CGGBP1: variants seen among roughly 807,000 people sequenced by gnomAD.
The protein encoded by CGGBP1 is CGG triplet repeat-binding protein 1.
In CGGBP1, 4 loss-of-function variants were observed where a neutral mutation model predicts 11.4. That is an observed-to-expected ratio of 0.35 (90% CI 0.17 to 0.80). The LOEUF (loss-of-function observed/expected upper bound fraction) is 0.80. CGGBP1 is among the 30% of genes least tolerant of loss of function. The pLI is 0.52. For missense variants in CGGBP1, 135 were observed against 202.1 expected, an observed-to-expected ratio of 0.67 and a Z score of 2.01; for synonymous variants, 76 against 74.1, an observed-to-expected ratio of 1.03 and a Z score of -0.13.
chr3:88,107,923 G>A (rs560260412), intron 2 of CGGBP1, among the ~76,000 whole-genome samples: 2 of 151,856 alleles, frequency 1.3e-5, no homozygotes, highest in Admixed American at 6.6e-5. Flanking sequence ...TGTGACTAAC[G>A]TTCTTTTGGC....
chr3:88,140,499 G>C (rs773897741), intron 2 of CGGBP1: 1 of 1,613,676 alleles, frequency 6.2e-7, no homozygotes, highest in Non-Finnish European at 8.5e-7. Flanking sequence ...GAATGGAAAC[G>C]AACGTTCTGA....
At chr3:88,134,657 A>C (rs1706664456) in intron 2 of CGGBP1, among the ~76,000 whole-genome samples, 1 of 152,140 alleles carries the variant, frequency 6.6e-6, no homozygotes, top group Non-Finnish European at 1.5e-5. Context: ...TTGAAAATGA[A>C]AAATATGAAC....
At chr3:88,102,946 G>T (rs960200518) in intron 2 of CGGBP1, among the ~76,000 whole-genome samples, 2 of 150,668 alleles carry the variant, frequency 1.3e-5, no homozygotes, top group Non-Finnish European at 2.9e-5. Context: ...CAGGTGGTAA[G>T]CATACTAACC....
chr3:88,114,287 TAAAG>T (rs977742014), intron 2 of CGGBP1, among the ~76,000 whole-genome samples: 69 of 152,102 alleles, frequency 4.5e-4, no homozygotes, highest in African/African-American at 1.7e-3. Context: ...AATGGGGAGG[TAAAG>T]AAATACCTCA....
chr3:88,091,187 T>C (rs4858996), intron 2 of CGGBP1, among the ~76,000 whole-genome samples: 143,098 of 152,142 alleles, frequency 0.94, 67,822 homozygotes, highest in Non-Finnish European at 1. Flanking sequence ...AACATATCCC[T>C]GTCGTTAAGC....
At position 88,106,703 on chromosome 3, in the gene CGGBP1, C is replaced by A. The variant is rs1704405152; in HGVS notation, c.-229+34267G>T. Among the ~76,000 whole-genome samples the A allele has an allele frequency of 3.3e-5, 5 of 152,036 alleles. No individual in the cohort carries two copies. The South Asian group carries it at 1.0e-3, about 32-fold the overall frequency. Reference sequence around the variant, plus strand: ...TTAATTTGTTTAATGCTTTTTTAAGCTGTGTAGATTTTTAAAATGTAATTA... The same window carrying A: ...TTAATTTGTTTAATGCTTTTTTAAGATGTGTAGATTTTTAAAATGTAATTA... On this transcript the variant is annotated intron_variant, in intron 2 of 3. Transcript: ENST00000462901.
At chr3:88,135,731 G>A (rs1012062343) in intron 2 of CGGBP1, among the ~76,000 whole-genome samples, 7 of 152,044 alleles carry the variant, frequency 4.6e-5, no homozygotes. Flanking sequence ...CCACTTGCAA[G>A]TGAGTACAAT....
At position 88,055,470 on chromosome 3, in the gene CGGBP1, T is replaced by C; in HGVS notation, c.*3A>G. On this transcript the variant is annotated 3_prime_UTR_variant, in exon 4 of 4. Coordinates refer to ENST00000482016, the MANE Select transcript of CGGBP1 (RefSeq NM_001008390.2). This position sits in a 1 kb window ranked among gnomAD's most constrained non-coding sequence, Gnocchi z 4.2. The stretch of plus-strand genomic sequence containing the variant: ...CTTGATCACAATGGTGGTAACCTCC[T>C]AGTCAACAATCTTGTGAGTTGAGGA... 1.3e-6 allele frequency: 2 copies of C among 1,514,702 alleles called. No individual in the cohort carries two copies. The highest frequency in any genetic ancestry group is 2.3e-5 in the East Asian group (1 of 43,874). The allele number at this position is 1,514,702 out of a possible 1,614,324, so 93.8% of individuals were successfully genotyped here.
intron 2 of CGGBP1, among the ~76,000 whole-genome samples, chr3:88,072,532 G>T (rs1401074696): frequency 6.6e-6 from 1 of 151,936 alleles, no homozygotes; most frequent in African/African-American, 2.4e-5. Flanking sequence ...CTTTTGTTTT[G>T]TCTGCCAGAA....
chr3:88,082,791 T>C (rs1708148106), intron 2 of CGGBP1, among the ~76,000 whole-genome samples: 1 of 152,226 alleles, frequency 6.6e-6, no homozygotes, highest in African/African-American at 2.4e-5. Context: ...TAAATAGTTG[T>C]GTATTACTTA....
At chr3:88,141,149 T>A in intron 1 of CGGBP1, 2 of 1,331,938 alleles carry the variant, frequency 1.5e-6, no homozygotes, top group Non-Finnish European at 1.0e-6. Flanking sequence ...GATATTTGTG[T>A]AGCACAGGTA....
chr3:88,055,863 T>C lies in CGGBP1; in HGVS notation c.114A>G (p.Gly38=). The C allele has an allele frequency of 6.2e-7, 1 of 1,614,184 alleles. No homozygotes were observed. Among genetic ancestry groups the C allele is most frequent in the Non-Finnish European group, 8.5e-7 (1 of 1,180,018 alleles). The change falls in exon 4 of 4, where the codon GGA becomes GGG. Residue 38 remains glycine, a synonymous_variant. Transcript: ENST00000482016. This position sits in a 1 kb window ranked among gnomAD's most constrained non-coding sequence, Gnocchi z 4.2. ...TGCAAGAAGTGCAGAAGAGTTTTCC[T>C]CCATCTTCATGCAGCTCACCTCCAA... ...TEFGGELHED[G]GKLFCTSCNV...
At position 88,086,727 on chromosome 3, in the gene CGGBP1, C is replaced by G. The variant is rs543493031; in HGVS notation, c.-228-28504G>C. Among the ~76,000 whole-genome samples, 122 of 152,266 alleles carry G rather than the reference C, an allele frequency of 8.0e-4. 1 individual carries two copies. The highest frequency in any genetic ancestry group is 5.9e-5 in the Non-Finnish European group (4 of 68,014). On this transcript the variant is annotated intron_variant, in intron 2 of 3. Transcript: ENST00000462901. Reference sequence around the variant, plus strand: ...CAGCAGTTTAGGCTATGATAGTTACCAGAGAGACCTTAAATCAGGTCAGAA... The same window carrying G: ...CAGCAGTTTAGGCTATGATAGTTACGAGAGAGACCTTAAATCAGGTCAGAA...
At chr3:88,086,216 G>A in intron 2 of CGGBP1, 1 of 1,491,884 alleles carries the variant, frequency 6.7e-7, no homozygotes, top group Middle Eastern at 2.4e-4. Flanking sequence ...GAGATGTTGA[G>A]AACTTTTTCT....
upstream of CGGBP1, chr3:88,059,211 A>G: frequency 6.8e-7 from 1 of 1,471,770 alleles, no homozygotes; most frequent in Non-Finnish European, 8.9e-7. Context: ...CTGTCCGGCT[A>G]GGGAGGAGGG....
intron 2 of CGGBP1, among the ~76,000 whole-genome samples, chr3:88,127,247 G>A (rs186568024): frequency 7.9e-5 from 12 of 152,236 alleles, no homozygotes; most frequent in Admixed American, 6.5e-4. Flanking sequence ...AAATTTTGTT[G>A]AGCAGGTTAT....
chr3:88,101,450 A>C (rs1704420909), intron 2 of CGGBP1, among the ~76,000 whole-genome samples: 1 of 152,148 alleles, frequency 6.6e-6, no homozygotes, highest in Admixed American at 6.6e-5. Context: ...AGTCATGTAA[A>C]ATATTCTTTT....
upstream of CGGBP1, among the ~76,000 whole-genome samples, chr3:88,060,832 TC>T (rs1476177092): frequency 1.3e-5 from 2 of 151,968 alleles, no homozygotes; most frequent in African/African-American, 4.8e-5. Flanking sequence ...TTGTAAGAAT[TC>T]CCTTACAAGC....
chr3:88,142,201 G>C (rs1305000125), intron 1 of CGGBP1: 1 of 152,188 alleles, frequency 6.6e-6, no homozygotes, highest in Non-Finnish European at 1.5e-5. Context: ...ACTTACCACA[G>C]TGCTATCAAT....
Sources: gnomAD v4.1 joint callset for allele counts (sites outside exome capture counted in the v4.1 genomes callset) on GRCh38, gnomAD v4.1.1 for gene constraint, Gnocchi (gnomAD v3.1) non-coding constraint, MANE v1.5 for transcripts, NCBI Gene and HGNC (gene_info 2026-07-23, HGNC 2026-07-21) for gene names.